The following MYO1B variants were observed in gnomAD, a reference collection of about 807,000 sequenced individuals.
MYO1B encodes the protein unconventional myosin-Ib.
MYO1B carries 72 observed loss-of-function variants against 159.7 expected under a neutral mutation model. The ratio of observed to expected loss-of-function variants is 0.45; its 90% CI spans 0.37 to 0.55. MYO1B has a LOEUF of 0.55. Among genes scored for constraint, MYO1B ranks in the 20% least tolerant of loss-of-function variants. MYO1B has a pLI of 0.00. For synonymous variants in MYO1B, 468 were observed against 473.8 expected, an observed-to-expected ratio of 0.99 and a Z score of 0.16; for missense variants, 1,062 against 1,364.8, an observed-to-expected ratio of 0.78 and a Z score of 3.50.
chr2:191,272,699 C>A (rs993127220), intron 1 of MYO1B, among the ~76,000 whole-genome samples: 1 of 152,176 alleles, frequency 6.6e-6, no homozygotes, highest in Non-Finnish European at 1.5e-5. Flanking sequence ...AAATAACCAA[C>A]CCATACTCTG....
At chr2:191,413,214 G>A (rs1232849498) in intron 27 of MYO1B, among the ~76,000 whole-genome samples, 1 of 152,156 alleles carries the variant, frequency 6.6e-6, no homozygotes, top group African/African-American at 2.4e-5. Flanking sequence ...AATATCATAA[G>A]TTGAAAATGC....
intron 20 of MYO1B, among the ~76,000 whole-genome samples, chr2:191,396,211 T>C (rs551905686): frequency 4.6e-5 from 7 of 152,274 alleles, no homozygotes; most frequent in Admixed American, 3.3e-4. Context: ...TCCTGAGTCA[T>C]TTAGGAATTA....
chr2:191,338,502 T>TC (rs149322475), intron 4 of MYO1B, among the ~76,000 whole-genome samples: 3,248 of 152,278 alleles, frequency 0.021, 49 homozygotes, highest in Middle Eastern at 0.041. Flanking sequence ...TTCCAGGAGA[T>TC]CTGCTCCTGG....
At chr2:191,317,901 A>G (rs558459669) in intron 3 of MYO1B, among the ~76,000 whole-genome samples, 12 of 152,296 alleles carry the variant, frequency 7.9e-5, no homozygotes, top group African/African-American at 2.4e-4. Context: ...CCTCTTTGTT[A>G]TTTGTAAATA....
intron 14 of MYO1B, 97 bp downstream of exon 14, chr2:191,381,663 A>G: frequency 1.2e-6 from 1 of 833,924 alleles, no homozygotes; most frequent in Non-Finnish European, 1.9e-6. Flanking sequence ...GCCATATTCA[A>G]AAGGCTACAT....
intron 1 of MYO1B, among the ~76,000 whole-genome samples, chr2:191,256,441 A>G (rs1341590204): frequency 6.6e-6 from 1 of 151,884 alleles, no homozygotes; most frequent in African/African-American, 2.4e-5. Context: ...AGTTACTACT[A>G]TTCAGCCTTT....
intron 8 of MYO1B, among the ~76,000 whole-genome samples, chr2:191,361,288 T>C (rs1283712886): frequency 2.6e-5 from 4 of 152,196 alleles, no homozygotes; most frequent in Admixed American, 6.5e-5. Context: ...ATCAGGGTTC[T>C]AATTAAATGA....
rs778804935 is a variant in MYO1B, at chr2:191,386,120, C to G, written c.1554+36C>G. 3 of 1,601,674 alleles carry G rather than the reference C, an allele frequency of 1.9e-6. No individual in the cohort carries two copies. In the East Asian group the frequency reaches 6.7e-5, roughly 36 times the overall value. Reference sequence around the variant, plus strand: ...GCTGTGAGCACCCAGTCAGGCCTGCCAAGTTACCCCTGCAAGGAGGCTGTA... The same window carrying G: ...GCTGTGAGCACCCAGTCAGGCCTGCGAAGTTACCCCTGCAAGGAGGCTGTA... On this transcript the variant is annotated intron_variant, in intron 16 of 30. Coordinates refer to ENST00000392318, the MANE Select transcript of MYO1B (RefSeq NM_001130158.3).
intron 6 of MYO1B, among the ~76,000 whole-genome samples, chr2:191,348,530 C>T (rs1249474076): frequency 6.6e-6 from 1 of 152,170 alleles, no homozygotes; most frequent in African/African-American, 2.4e-5. Context: ...CCTCCTTGGT[C>T]CCCCACCTTC....
rs193118262 is a variant in MYO1B, at chr2:191,307,384, G to A, written c.251+11158G>A. Among the ~76,000 whole-genome samples the A allele has an allele frequency of 6.6e-5, 10 of 152,246 alleles. No homozygotes were observed. In the East Asian group the frequency reaches 1.2e-3, roughly 18 times the overall value. ...AGGGTGACCAGAGGGCAGCTTCCTC[G>A]CCATCTTGGTTTTGGTGTGTTTTAG... On this transcript the variant is annotated intron_variant, in intron 3 of 30. Coordinates refer to ENST00000392318, the MANE Select transcript of MYO1B (RefSeq NM_001130158.3).
At chr2:191,248,781 G>GGT (rs1685942458) in intron 1 of MYO1B, among the ~76,000 whole-genome samples, 1 of 152,118 alleles carries the variant, frequency 6.6e-6, no homozygotes, top group Non-Finnish European at 1.5e-5. Flanking sequence ...ATACTCTTTA[G>GGT]GTATATACTG....
chr2:191,405,177 A>C (rs1696842366), intron 24 of MYO1B, among the ~76,000 whole-genome samples: 1 of 152,210 alleles, frequency 6.6e-6, no homozygotes, highest in Non-Finnish European at 1.5e-5. Context: ...CATCTCAGGA[A>C]ACTACTTTAT....
intron 3 of MYO1B, among the ~76,000 whole-genome samples, chr2:191,314,803 A>G (rs1194073643): frequency 6.6e-6 from 1 of 152,232 alleles, no homozygotes; most frequent in Non-Finnish European, 1.5e-5. Context: ...TTGTTAAGAA[A>G]GGAGAAGAAT....
intron 3 of MYO1B, among the ~76,000 whole-genome samples, chr2:191,312,872 G>A (rs1484622925): frequency 6.6e-6 from 1 of 152,170 alleles, no homozygotes; most frequent in Non-Finnish European, 1.5e-5. Context: ...AAGTATTCAG[G>A]AAATATTTAT....
At chr2:191,249,732 G>A (rs1685999956) in intron 1 of MYO1B, among the ~76,000 whole-genome samples, 1 of 152,190 alleles carries the variant, frequency 6.6e-6, no homozygotes, top group Non-Finnish European at 1.5e-5. Flanking sequence ...AAGACTGGAA[G>A]TTCTGCCTTG....
intron 20 of MYO1B, 90 bp downstream of exon 20, chr2:191,393,312 C>T (rs925558604): frequency 2.9e-6 from 4 of 1,399,084 alleles, no homozygotes; most frequent in Non-Finnish European, 2.9e-6. Context: ...TTTTTACATA[C>T]TTAATTCTCC....
intron 3 of MYO1B, among the ~76,000 whole-genome samples, chr2:191,307,653 G>C (rs1259443540): frequency 6.6e-6 from 1 of 152,138 alleles, no homozygotes; most frequent in Non-Finnish European, 1.5e-5. Flanking sequence ...CAAAGGCTTA[G>C]TCCTACAAGA....
At chr2:191,278,843 T>C (rs1232868275) in intron 2 of MYO1B, among the ~76,000 whole-genome samples, 1 of 152,240 alleles carries the variant, frequency 6.6e-6, no homozygotes, top group Non-Finnish European at 1.5e-5. Flanking sequence ...ACTTTAAACA[T>C]TGGTCTTTGA....
chr2:191,276,927 T>C lies in MYO1B; in HGVS notation c.32T>C (p.Leu11Pro). 1 of 1,613,866 alleles carries C rather than the reference T, an allele frequency of 6.2e-7. No homozygotes were observed. Among genetic ancestry groups the C allele is most frequent in the Non-Finnish European group, 8.5e-7 (1 of 1,179,936 alleles). Residue 11 changes from leucine (L) to proline (P), a missense_variant, in exon 2 of 31, where the codon CTG (leucine) becomes CCG (proline). This residue lies in a region of MYO1B where 415 missense variants were observed against 544.0 expected (regional missense o/e 0.76). Coordinates refer to ENST00000392318, the MANE Select transcript of MYO1B (RefSeq NM_001130158.3). Reference protein sequence around the residue: MAKMEVKTSLLDNMIGVGDMV... With the variant: MAKMEVKTSLPDNMIGVGDMV... ...AAAATGGAGGTGAAAACCTCACTTC[T>C]GGACAATATGATTGGAGTTGGGGAT...
Sources: gnomAD v4.1 joint callset for allele counts (sites outside exome capture counted in the v4.1 genomes callset) on GRCh38, gnomAD v4.1.1 for gene constraint, gnomAD v4.1.1 regional missense constraint, MANE v1.5 for transcripts, NCBI Gene and HGNC (gene_info 2026-07-23, HGNC 2026-07-21) for gene names.